SGCD: variants seen among roughly 807,000 people sequenced by gnomAD.
The protein encoded by SGCD is sarcoglycan delta.
A neutral mutation model predicts 36.6 loss-of-function variants in SGCD; 18 were observed. That is an observed-to-expected ratio of 0.49 (90% CI 0.34 to 0.73). SGCD has a LOEUF of 0.73. Ranked by LOEUF, SGCD falls within the 30% of genes least tolerant of loss-of-function variation. SGCD has a pLI of 0.01. For synonymous variants in SGCD, 133 were observed against 130.6 expected, an observed-to-expected ratio of 1.02 and a Z score of -0.12; for missense variants, 387 against 346.7, an observed-to-expected ratio of 1.12 and a Z score of -0.92.
intron 4 of SGCD, among the ~76,000 whole-genome samples, chr5:156,589,027 T>TGTGTTTC (rs1172849596): frequency 1.3e-5 from 2 of 151,108 alleles, no homozygotes; most frequent in African/African-American, 4.9e-5. Flanking sequence ...TGTGTGTGCA[T>TGTGTTTC]TTCTTTGGAA....
chr5:156,203,008 A>T (rs1043247075), intron 3 of SGCD, among the ~76,000 whole-genome samples: 1 of 152,144 alleles, frequency 6.6e-6, no homozygotes, highest in Non-Finnish European at 1.5e-5. Flanking sequence ...TGATATACTT[A>T]CATGCCTTGA....
At chr5:156,021,184 T>C (rs2127573316) in intron 1 of SGCD, among the ~76,000 whole-genome samples, 1 of 152,330 alleles carries the variant, frequency 6.6e-6, no homozygotes, top group Non-Finnish European at 1.5e-5. Flanking sequence ...CATATTTCTT[T>C]GATAGAGAAA....
At chr5:155,923,756 T>C (rs886660397) in intron 1 of SGCD, among the ~76,000 whole-genome samples, 2 of 152,260 alleles carry the variant, frequency 1.3e-5, no homozygotes, top group Middle Eastern at 3.2e-3. Context: ...TTAGTGCCTT[T>C]TAATGAACAT....
At chr5:156,399,949 C>T (rs752698100) in intron 3 of SGCD, among the ~76,000 whole-genome samples, 8 of 152,156 alleles carry the variant, frequency 5.3e-5, no homozygotes, top group Admixed American at 1.3e-4. Context: ...TCTGGTACAG[C>T]AATTTCTAAT....
intron 4 of SGCD, among the ~76,000 whole-genome samples, chr5:156,557,347 G>T (rs1759069763): frequency 6.6e-6 from 1 of 152,112 alleles, no homozygotes; most frequent in Admixed American, 6.6e-5. Flanking sequence ...AAAATGATTT[G>T]ATTTCCCAGG....
intron 3 of SGCD, among the ~76,000 whole-genome samples, chr5:156,479,666 A>G (rs10044249): frequency 0.017 from 2,643 of 152,306 alleles, 86 homozygotes; most frequent in African/African-American, 0.06. Flanking sequence ...TTGTTCCAGT[A>G]CAATGAAGAG....
the SGCD span, among the ~76,000 whole-genome samples, chr5:155,756,995 C>T: frequency 2.0e-5 from 3 of 152,108 alleles, no homozygotes; most frequent in Admixed American, 6.6e-5. Context: ...CAGGTATTCA[C>T]GGTAAGCAGT....
chr5:156,089,450 G>A (rs987066433), intron 1 of SGCD, among the ~76,000 whole-genome samples: 13 of 152,212 alleles, frequency 8.5e-5, no homozygotes, highest in African/African-American at 2.9e-4. Flanking sequence ...TAAAGGAAGA[G>A]CCGTTGTCAT....
chr5:156,188,094 GC>G (rs1247174298), intron 3 of SGCD, among the ~76,000 whole-genome samples: 6 of 152,142 alleles, frequency 3.9e-5, no homozygotes, highest in African/African-American at 1.2e-4. Flanking sequence ...TACATTTTAT[GC>G]CCCAGATGCC....
intron 1 of SGCD, among the ~76,000 whole-genome samples, chr5:155,966,442 A>C (rs1298416435): frequency 2.0e-5 from 3 of 152,168 alleles, no homozygotes; most frequent in Non-Finnish European, 2.9e-5. Context: ...AGAAATTAAT[A>C]AGACCATGTG....
intron 1 of SGCD, among the ~76,000 whole-genome samples, chr5:155,941,802 G>T (rs926961728): frequency 1.3e-5 from 2 of 152,008 alleles, no homozygotes; most frequent in South Asian, 4.1e-4. Flanking sequence ...GATGAAAAAA[G>T]TCAAGCTATA....
At chr5:155,824,117 C>T in the SGCD span, among the ~76,000 whole-genome samples, 1 of 152,138 alleles carries the variant, frequency 6.6e-6, no homozygotes, top group Non-Finnish European at 1.5e-5. Flanking sequence ...TAACATTCAC[C>T]AGATAGGCAT....
intron 3 of SGCD, among the ~76,000 whole-genome samples, chr5:156,288,220 G>A (rs1195593400): frequency 6.6e-6 from 1 of 152,124 alleles, no homozygotes; most frequent in Admixed American, 6.6e-5. Flanking sequence ...CTCTTTCTCT[G>A]TGTTTTTTGA....
intron 1 of SGCD, among the ~76,000 whole-genome samples, chr5:155,978,525 A>G (rs1439261065): frequency 1.3e-5 from 2 of 152,264 alleles, no homozygotes; most frequent in African/African-American, 4.8e-5. Context: ...ATGCAGTGTT[A>G]TTACACCAAT....
At chr5:156,265,830 G>A (rs1273351150) in intron 3 of SGCD, among the ~76,000 whole-genome samples, 2 of 152,066 alleles carry the variant, frequency 1.3e-5, no homozygotes. Context: ...ATTAACTCTT[G>A]ACAATGGAGA....
chr5:156,365,862 A>T (rs1323062435), intron 3 of SGCD, among the ~76,000 whole-genome samples: 4 of 152,078 alleles, frequency 2.6e-5, no homozygotes, highest in Non-Finnish European at 4.4e-5. Flanking sequence ...ACACGTGGGT[A>T]TGTGTATACA....
chr5:156,036,303 C>T (rs1297513364), intron 1 of SGCD, among the ~76,000 whole-genome samples: 1 of 152,132 alleles, frequency 6.6e-6, no homozygotes, highest in Non-Finnish European at 1.5e-5. Flanking sequence ...CAGTGGCTTA[C>T]AAGCAGAGTT....
chr5:155,995,560 A>G (rs1758523496), intron 1 of SGCD, among the ~76,000 whole-genome samples: 2 of 152,240 alleles, frequency 1.3e-5, no homozygotes, highest in South Asian at 2.1e-4. Context: ...TACAACAAAC[A>G]TTTATTCAAT....
chr5:156,401,606 T>A (rs1467447285), intron 3 of SGCD, among the ~76,000 whole-genome samples: 2 of 152,168 alleles, frequency 1.3e-5, no homozygotes, highest in African/African-American at 4.8e-5. Flanking sequence ...CATAGTTGGT[T>A]AATTAGATAT....
Sources: gnomAD v4.1 joint callset for allele counts (sites outside exome capture counted in the v4.1 genomes callset) on GRCh38, gnomAD v4.1.1 for gene constraint, MANE v1.5 for transcripts, NCBI Gene and HGNC (gene_info 2026-07-23, HGNC 2026-07-21) for gene names.